FKBP9: variants seen among roughly 807,000 people sequenced by gnomAD.
FKBP9 encodes FKBP prolyl isomerase 9, also known as peptidyl-prolyl cis-trans isomerase FKBP9.
Under a neutral mutation model 55.6 loss-of-function variants are expected in FKBP9, and 27 were observed. The ratio of observed to expected loss-of-function variants is 0.49; its 90% CI spans 0.36 to 0.67. The LOEUF is 0.67. Ranked by LOEUF, FKBP9 falls within the 30% of genes least tolerant of loss-of-function variation. The pLI is 0.00. For missense variants in FKBP9, 539 were observed against 742.8 expected (o/e 0.73, Z 3.19); for synonymous variants, 267 against 296.5 (o/e 0.90, Z 1.02).
chr7:32,996,108 C>T, intron 6 of FKBP9, 55 bp from the exon 7 acceptor site: 1 of 1,547,098 alleles, frequency 6.5e-7, no homozygotes, highest in Non-Finnish European at 8.9e-7. Context: ...CTGGGGAGGC[C>T]CATGTGCTGC....
chr7:32,974,817 T>G, intron 2 of FKBP9, 55 bp downstream of exon 2: 1 of 1,495,542 alleles, frequency 6.7e-7, no homozygotes, highest in Non-Finnish European at 9.2e-7. Context: ...GAGAACACTT[T>G]TAGGATGTTA....
rs1784453578 is a variant in FKBP9, at chr7:32,980,482, A to G, written c.822A>G (p.Ile274Met). ...NKVVPENCERISQSGDFLRYH... is the reference protein window; with the variant it reads ...NKVVPENCERMSQSGDFLRYH... The stretch of plus-strand genomic sequence containing the variant: ...TAGTACCTGAAAACTGTGAGCGGAT[A>G]AGTCAAAGTGGGGACTTTCTCAGGT... The change falls in exon 5 of 10, where the codon ATA becomes ATG. Residue 274 changes from isoleucine to methionine, a missense_variant. By Grantham distance (10) the Ile-to-Met change is conservative (BLOSUM62 1). Around this residue, in one of 4 missense-constraint regions of FKBP9, gnomAD observed 172 missense variants for 205.3 expected, o/e 0.84. Coordinates refer to ENST00000242209, the MANE Select transcript of FKBP9 (RefSeq NM_007270.5). The G allele has an allele frequency of 2.5e-6, 4 of 1,613,790 alleles. No individual in the cohort carries two copies. In the South Asian group the frequency reaches 3.3e-5, roughly 13 times the overall value.
At chr7:32,974,312 T>G (rs1177519383) in intron 1 of FKBP9, among the ~76,000 whole-genome samples, 4 of 152,280 alleles carry the variant, frequency 2.6e-5, no homozygotes, top group East Asian at 3.9e-4. Context: ...TCTTTCTTTT[T>G]TGTGTGTGTG....
At chr7:32,969,559 A>C (rs1205385914) in intron 1 of FKBP9, among the ~76,000 whole-genome samples, 3 of 152,072 alleles carry the variant, frequency 2.0e-5, no homozygotes, top group Non-Finnish European at 4.4e-5. Flanking sequence ...TTTCTGGGCT[A>C]TTTTGATCTA....
Position 32,980,535 on chromosome 7 carries a change from G to T in FKBP9, c.875G>T (p.Gly292Val). The part of the protein sequence containing the change: ...RYHYNGTLLD[G>V]TLFDSSYSRN... ...CATTACAATGGCACGCTTCTGGATG[G>T]CACCCTCTTTGATTCCAGGTAAGGA... The change falls in exon 5 of 10, where the codon GGC becomes GTC. Residue 292 changes from glycine to valine, a missense_variant. Physicochemically the swap from Gly to Val is moderately radical, Grantham distance 109. Coordinates refer to ENST00000242209, the MANE Select transcript of FKBP9 (RefSeq NM_007270.5). 1 of 1,612,924 alleles carries T rather than the reference G, an allele frequency of 6.2e-7. No homozygotes were observed.
At chr7:32,962,485 T>C (rs1394629638) in intron 1 of FKBP9, among the ~76,000 whole-genome samples, 2 of 152,268 alleles carry the variant, frequency 1.3e-5, no homozygotes, top group South Asian at 4.1e-4. Flanking sequence ...ATTCTTTTCT[T>C]TTTTTTGAGA....
At chr7:32,988,349 G>A (rs1784615056) in intron 5 of FKBP9, among the ~76,000 whole-genome samples, 158 bp from the exon 6 acceptor site, 1 of 152,106 alleles carries the variant, frequency 6.6e-6, no homozygotes, top group African/African-American at 2.4e-5. Context: ...CCCTTCCAGG[G>A]GAGCATGTTT....
chr7:32,995,656 A>G (rs1784770141), intron 6 of FKBP9, among the ~76,000 whole-genome samples: 1 of 152,238 alleles, frequency 6.6e-6, no homozygotes, highest in African/African-American at 2.4e-5. Context: ...GTGTATGATC[A>G]TAAGGGGCCA....
chr7:32,993,317 G>C (rs1784719829), intron 6 of FKBP9, among the ~76,000 whole-genome samples: 2 of 152,078 alleles, frequency 1.3e-5, no homozygotes, highest in South Asian at 4.1e-4. Context: ...TCTACACTCA[G>C]AACTCTTTCA....
intron 5 of FKBP9, among the ~76,000 whole-genome samples, chr7:32,984,603 T>C (rs866481444): frequency 1.3e-5 from 2 of 152,188 alleles, no homozygotes; most frequent in Admixed American, 6.5e-5. Context: ...TGCAAAAATG[T>C]ATAGCAGAAA....
At chr7:32,962,884 T>G (rs1583838136) in intron 1 of FKBP9, among the ~76,000 whole-genome samples, 2 of 7,646 alleles carry the variant, frequency 2.6e-4, no homozygotes, top group Admixed American at 1.5e-3. Context: ...GAGTGAGGGG[T>G]GGGAGGGTGG....
At chr7:32,961,940 T>C (rs1784033862) in intron 1 of FKBP9, among the ~76,000 whole-genome samples, 2 of 152,072 alleles carry the variant, frequency 1.3e-5, no homozygotes, top group African/African-American at 4.8e-5. Flanking sequence ...AATTATTTCA[T>C]TATATATTAC....
At chr7:32,967,832 G>T (rs533451829) in intron 1 of FKBP9, among the ~76,000 whole-genome samples, 1 of 151,814 alleles carries the variant, frequency 6.6e-6, no homozygotes, top group Admixed American at 6.6e-5. Context: ...TCAGCTCATC[G>T]CAACCTCCGC....
intron 6 of FKBP9, 150 bp from the exon 7 acceptor site, chr7:32,996,013 C>T (rs1475208361): frequency 1.1e-5 from 7 of 619,744 alleles, no homozygotes; most frequent in Admixed American, 2.9e-5. Flanking sequence ...GCCCTTTCAG[C>T]GTCAGTCTTG....
intron 4 of FKBP9, chr7:32,979,672 G>A (rs1197597396): frequency 3.1e-6 from 3 of 965,226 alleles, no homozygotes; most frequent in Non-Finnish European, 4.9e-6. Context: ...GTTGATCTTT[G>A]CAGGAAGAAC....
intron 5 of FKBP9, among the ~76,000 whole-genome samples, chr7:32,983,845 A>G (rs368535882): frequency 5.3e-5 from 8 of 152,176 alleles, no homozygotes; most frequent in Admixed American, 5.2e-4. Flanking sequence ...TTATTTGAGT[A>G]CTTTCTTTTG....
intron 1 of FKBP9, among the ~76,000 whole-genome samples, chr7:32,972,365 G>A (rs2953547): frequency 6.6e-6 from 1 of 152,254 alleles, no homozygotes; most frequent in Middle Eastern, 3.4e-3. Context: ...AGGAGGAGAG[G>A]GAGAAGAGGG....
intron 6 of FKBP9, among the ~76,000 whole-genome samples, chr7:32,990,994 G>A (rs569998426): frequency 1.6e-4 from 25 of 152,230 alleles, no homozygotes; most frequent in African/African-American, 6.0e-4. Flanking sequence ...AGATCCATTC[G>A]ACAGGGCTTT....
intron 6 of FKBP9, chr7:32,993,185 G>C (rs1246801127): frequency 4.3e-6 from 1 of 232,278 alleles, no homozygotes; most frequent in Non-Finnish European, 8.5e-6. Flanking sequence ...GCTTAGCTCA[G>C]TGTTAGAAGT....
Sources: gnomAD v4.1 joint callset for allele counts (sites outside exome capture counted in the v4.1 genomes callset) on GRCh38, gnomAD v4.1.1 for gene constraint, gnomAD v4.1.1 regional missense constraint, MANE v1.5 for transcripts, NCBI Gene and HGNC (gene_info 2026-07-23, HGNC 2026-07-21) for gene names.